Variants in AKAP8 observed in about 807,000 individuals in gnomAD.
AKAP8 encodes the protein A-kinase anchoring protein 8.
AKAP8 carries 24 observed loss-of-function variants against 67.5 expected under a neutral mutation model. The ratio of observed to expected loss-of-function variants is 0.36; its 90% CI spans 0.26 to 0.50. AKAP8 has a LOEUF of 0.50. Among genes scored for constraint, AKAP8 ranks in the 20% least tolerant of loss-of-function variants. The pLI is 0.97. For missense variants in AKAP8, 971 were observed against 955.9 expected (o/e 1.02, Z -0.21); for synonymous variants, 400 against 371.1 (o/e 1.08, Z -0.90).
chr19:15,373,894 T>C lies in AKAP8; in HGVS notation c.263A>G (p.Asn88Ser). Residue 88 changes from asparagine to serine, a missense_variant, in exon 4 of 14, where the codon AAT (asparagine) becomes AGT (serine). By Grantham distance (46) the Asn-to-Ser change is conservative. Transcript: ENST00000269701. ...ASYGPEPCTD[N>S]SDSLIAKINQ... The stretch of plus-strand genomic sequence containing the variant: ...GATCTTGGCAATGAGGGAGTCGGAA[T>C]TGTCGGTGCATGGCTCTGGGCCGTA... 1 of 1,613,676 alleles carries C rather than the reference T, an allele frequency of 6.2e-7. No homozygotes were observed. Among genetic ancestry groups the C allele is most frequent in the Non-Finnish European group, 8.5e-7 (1 of 1,179,966 alleles).
In AKAP8 at chr19:15,355,012, T is replaced by C; in HGVS notation, c.1982A>G (p.Glu661Gly). The C allele has an allele frequency of 6.2e-7, 1 of 1,614,176 alleles. No homozygotes were observed. The highest frequency in any genetic ancestry group is 8.5e-7 in the Non-Finnish European group (1 of 1,180,038). ...AGGAGCAACTCTGGTTTGGGCACTTTCTGCCTCTGCTGCCATTGTCTCGGC... is the reference window on the plus strand; with the variant it reads ...AGGAGCAACTCTGGTTTGGGCACTTCCTGCCTCTGCTGCCATTGTCTCGGC... ...NGAETMAAEA[E>G]SAQTRVAPAP... Residue 661 changes from glutamate to glycine, a missense_variant, in exon 14 of 14, where the codon GAA becomes GGA. Glu to Gly is a moderately conservative substitution (Grantham distance 98). This residue lies in a region of AKAP8 where 204 missense variants were observed against 193.0 expected (regional missense o/e 1.06). Transcript: ENST00000269701.
chr19:15,361,982 C>T, intron 10 of AKAP8, 128 bp downstream of exon 10: 1 of 1,424,656 alleles, frequency 7.0e-7, no homozygotes, highest in Non-Finnish European at 9.5e-7. Flanking sequence ...CAGGGACTTA[C>T]ACAGCTACTC....
intron 1 of AKAP8, among the ~76,000 whole-genome samples, chr19:15,377,592 C>T (rs1013131032): frequency 6.6e-5 from 10 of 152,180 alleles, no homozygotes; most frequent in African/African-American, 1.9e-4. Context: ...CCTCAGCCTC[C>T]CGAGTAGCTG....
At chr19:15,374,677 C>T (rs769937166) in intron 2 of AKAP8, 42 bp from the exon 3 acceptor site, 13 of 1,610,538 alleles carry the variant, frequency 8.1e-6, no homozygotes, top group Admixed American at 6.7e-5. Context: ...GTTTGCAGAA[C>T]GAAGGCACTG....
chr19:15,366,714 A>G (rs2145074344), intron 9 of AKAP8, among the ~76,000 whole-genome samples: 1 of 152,104 alleles, frequency 6.6e-6, no homozygotes, highest in East Asian at 1.9e-4. Flanking sequence ...GGTTCAAGCA[A>G]TTCTCCTGCC....
intron 9 of AKAP8, among the ~76,000 whole-genome samples, chr19:15,367,365 T>C (rs1336255044): frequency 1.3e-5 from 2 of 152,012 alleles, no homozygotes; most frequent in African/African-American, 4.8e-5. Context: ...CGACCTCTAC[T>C]AAAAATACAA....
intron 9 of AKAP8, 53 bp from the exon 10 acceptor site, chr19:15,362,304 G>A: frequency 1.9e-6 from 3 of 1,602,192 alleles, no homozygotes; most frequent in South Asian, 2.2e-5. Context: ...AGCGAGTGAA[G>A]CAGGGGGCAT....
chr19:15,362,559 T>G (rs1159921001), intron 9 of AKAP8, among the ~76,000 whole-genome samples: 11 of 151,886 alleles, frequency 7.2e-5, no homozygotes, highest in African/African-American at 2.4e-4. Context: ...GGGGTTTCGC[T>G]GTGTTGGCCG....
At chr19:15,367,523 A>AC (rs1967090042) in intron 9 of AKAP8, among the ~76,000 whole-genome samples, 1 of 152,148 alleles carries the variant, frequency 6.6e-6, no homozygotes, top group African/African-American at 2.4e-5. Flanking sequence ...GCAAGACTCC[A>AC]TCTCAGAAAC....
intron 9 of AKAP8, among the ~76,000 whole-genome samples, chr19:15,365,734 C>A (rs934545422): frequency 4.6e-5 from 7 of 152,146 alleles, no homozygotes; most frequent in Admixed American, 4.6e-4. Flanking sequence ...TCGAGATCCT[C>A]AGTCATGGCC....
At position 15,363,482 on chromosome 19, in the gene AKAP8, TG is replaced by T. The variant is rs1230725163; in HGVS notation, c.1161-1232del. ...CCAGCCGCCCCGTCCGGGAGGGAGG[TG>T]GGGGGGGTCAGCCCCCCGCCCGGCC... On this transcript the variant is annotated intron_variant, in intron 9 of 13. Transcript: ENST00000269701. Among the ~76,000 whole-genome samples, 42 of 70,440 alleles carry T rather than the reference TG, an allele frequency of 6.0e-4. No individual in the cohort carries two copies. The South Asian group carries it at 0.018, about 30-fold the overall frequency. The allele number at this position is 70,440 out of a possible 152,430, so 46.2% of individuals were successfully genotyped here.
At chr19:15,357,021 C>T (rs536252153) in intron 13 of AKAP8, among the ~76,000 whole-genome samples, 7 of 152,138 alleles carry the variant, frequency 4.6e-5, no homozygotes, top group South Asian at 2.1e-4. Flanking sequence ...TGCAATGGCG[C>T]GATCTTGGCT....
chr19:15,375,710 C>T (rs890027303), intron 2 of AKAP8, among the ~76,000 whole-genome samples: 10 of 149,896 alleles, frequency 6.7e-5, no homozygotes, highest in African/African-American at 2.2e-4. Context: ...GATCTCGGCT[C>T]ACTGCAAGCT....
intron 9 of AKAP8, among the ~76,000 whole-genome samples, chr19:15,366,086 CTTTT>C (rs375441663): frequency 1.1e-5 from 1 of 92,212 alleles, no homozygotes; most frequent in Admixed American, 1.6e-4. Context: ...CTGAAGGTTT[CTTTT>C]TTTTTTTTTA....
chr19:15,373,419 C>T, intron 4 of AKAP8, 79 bp from the exon 5 acceptor site: 2 of 1,480,956 alleles, frequency 1.4e-6, no homozygotes, highest in Non-Finnish European at 1.8e-6. Flanking sequence ...ACCTCGACGC[C>T]CCTACATTCA....
At chr19:15,360,682 C>T (rs1599557595) in intron 12 of AKAP8, among the ~76,000 whole-genome samples, 166 bp downstream of exon 12, 1 of 152,202 alleles carries the variant, frequency 6.6e-6, no homozygotes, top group Non-Finnish European at 1.5e-5. Flanking sequence ...CATTTTCTCA[C>T]ATTTTTATAA....
chr19:15,362,367 C>G lies in AKAP8; in HGVS notation c.1161-116G>C, dbSNP rs1599559317. 3.9e-5 allele frequency: 34 copies of G among 871,540 alleles called. No individual in the cohort carries two copies. In the East Asian group the frequency reaches 1.1e-3, roughly 29 times the overall value. 54.0% of individuals were successfully genotyped at this position (871,540 alleles called of 1,614,324 possible). A position where few individuals can be genotyped will look rare whatever the true frequency, so the allele number is the denominator to read the frequency against. ...AGAAACAGGATTTTCAGCTCTCCCC[C>G]TCCCCCTCTCCCTCTCCCCACGGTC... On this transcript the variant is annotated intron_variant, in intron 9 of 13. Transcript: ENST00000269701.
At chr19:15,371,856 T>C in intron 7 of AKAP8, 96 bp downstream of exon 7, 2 of 1,395,172 alleles carry the variant, frequency 1.4e-6, no homozygotes, top group Non-Finnish European at 2.0e-6. Flanking sequence ...TAGTCAAATC[T>C]ACCATGGCAG....
rs752673284 is a variant in AKAP8, at chr19:15,372,295, C to T, written c.914G>A (p.Arg305Gln). 7.1e-5 allele frequency: 114 copies of T among 1,614,042 alleles called. No individual in the cohort carries two copies. Among genetic ancestry groups the T allele is most frequent in the Non-Finnish European group, 9.2e-5 (109 of 1,180,032 alleles). The change falls in exon 6 of 14, where the codon CGG (arginine) becomes CAG (glutamine). Residue 305 changes from arginine (R) to glutamine (Q), a missense_variant. Physicochemically the swap from Arg to Gln is conservative, Grantham distance 43. Coordinates refer to ENST00000269701, the MANE Select transcript of AKAP8 (RefSeq NM_005858.4). ...CTCCTCGTAAAGTTGGAACTGCTTC[C>T]GTTTCCTGCCCGTGCCATCTGGTCC... The part of the protein sequence containing the change: ...RFGPDGTGRK[R>Q]KQFQLYEEPD...
Sources: gnomAD v4.1 joint callset for allele counts (sites outside exome capture counted in the v4.1 genomes callset) on GRCh38, gnomAD v4.1.1 for gene constraint, gnomAD v4.1.1 regional missense constraint, MANE v1.5 for transcripts, NCBI Gene and HGNC (gene_info 2026-07-23, HGNC 2026-07-21) for gene names.